Variants in FSTL5 observed in about 807,000 individuals in gnomAD.
FSTL5 encodes the protein follistatin-related protein 5.
A neutral mutation model predicts 89.1 loss-of-function variants in FSTL5; 62 were observed. That is an observed-to-expected ratio of 0.70 (90% CI 0.57 to 0.86). The LOEUF is 0.86. FSTL5 is among the 40% of genes least tolerant of loss of function. FSTL5 has a pLI of 0.00. For synonymous variants in FSTL5, 383 were observed against 346.2 expected (o/e 1.11, Z -1.18); for missense variants, 1,057 against 1,001.6 (o/e 1.06, Z -0.75).
chr4:161,746,190 G>GCACCCT (rs1740197881), intron 6 of FSTL5, among the ~76,000 whole-genome samples: 1 of 151,534 alleles, frequency 6.6e-6, no homozygotes, highest in South Asian at 2.1e-4. Context: ...TTATTTAGGT[G>GCACCCT]CACCCTCAAA....
At chr4:161,825,604 G>T (rs1245650655) in intron 4 of FSTL5, among the ~76,000 whole-genome samples, 1 of 151,742 alleles carries the variant, frequency 6.6e-6, no homozygotes, top group Admixed American at 6.6e-5. Context: ...ATATATTCCT[G>T]GTTTAATCTA....
intron 15 of FSTL5, chr4:161,388,397 G>A (rs1405740348): frequency 6.6e-6 from 1 of 151,952 alleles, no homozygotes; most frequent in African/African-American, 2.4e-5. Context: ...ACATAGTGTA[G>A]TTTTAAAATC....
At chr4:161,866,215 CT>C (rs1732082666) in intron 4 of FSTL5, among the ~76,000 whole-genome samples, 1 of 152,168 alleles carries the variant, frequency 6.6e-6, no homozygotes, top group Non-Finnish European at 1.5e-5. Flanking sequence ...TATGAAATTA[CT>C]TTCTGGAACT....
intron 10 of FSTL5, among the ~76,000 whole-genome samples, chr4:161,520,622 G>A (rs1730991937): frequency 6.6e-6 from 1 of 152,070 alleles, no homozygotes; most frequent in South Asian, 2.1e-4. Flanking sequence ...CTAATTATAT[G>A]TGGTTGGAAC....
chr4:162,117,611 A>G (rs1731692187), intron 1 of FSTL5, among the ~76,000 whole-genome samples: 1 of 152,214 alleles, frequency 6.6e-6, no homozygotes, highest in South Asian at 2.1e-4. Flanking sequence ...TCTAGAAAAT[A>G]AGAATACTGA....
intron 5 of FSTL5, among the ~76,000 whole-genome samples, chr4:161,762,292 G>A (rs1740836191): frequency 6.6e-6 from 1 of 152,230 alleles, no homozygotes; most frequent in South Asian, 2.1e-4. Flanking sequence ...TTACAGTCAT[G>A]AGTATTTGAT....
At chr4:161,948,591 G>T (rs1443032889) in intron 3 of FSTL5, among the ~76,000 whole-genome samples, 1 of 147,666 alleles carries the variant, frequency 6.8e-6, no homozygotes, top group African/African-American at 2.5e-5. Flanking sequence ...GGGATTATAG[G>T]CACCCGCCAC....
intron 2 of FSTL5, among the ~76,000 whole-genome samples, chr4:162,104,755 C>A (rs1218037318): frequency 6.6e-6 from 1 of 152,182 alleles, no homozygotes; most frequent in Non-Finnish European, 1.5e-5. Context: ...CTATGTGTGA[C>A]AGGCTATCTT....
rs192044493 is a variant in FSTL5 at position 161,625,258 on chromosome 4, G to A, written c.894+31070C>T. Among the ~76,000 whole-genome samples, 381 of 152,084 alleles carry A rather than the reference G, an allele frequency of 2.5e-3. 3 individuals are homozygous for A. The highest frequency in any genetic ancestry group is 9.0e-3 in the African/African-American group (372 of 41,518). ...TACAGATATTGCAATTTTTACAAAC[G>A]AAAAGGTTCTGGTAACTCAGCCTTG... On this transcript the variant is annotated intron_variant, in intron 7 of 15. Transcript: ENST00000306100.
chr4:162,127,618 AAAGTG>A (rs1327549569), intron 1 of FSTL5, among the ~76,000 whole-genome samples: 2 of 152,172 alleles, frequency 1.3e-5, no homozygotes, highest in Non-Finnish European at 2.9e-5. Flanking sequence ...TCTTGTGATA[AAAGTG>A]AAGTAGGTAA....
chr4:161,872,256 C>A (rs994176913), intron 4 of FSTL5, among the ~76,000 whole-genome samples: 1 of 149,492 alleles, frequency 6.7e-6, no homozygotes, highest in Non-Finnish European at 1.5e-5. Context: ...TAGGCATGAG[C>A]CATTGTGCCC....
chr4:161,901,140 A>G (rs2110793466), intron 4 of FSTL5, among the ~76,000 whole-genome samples: 1 of 152,242 alleles, frequency 6.6e-6, no homozygotes, highest in Admixed American at 6.5e-5. Flanking sequence ...CTATAACAAC[A>G]ATGTCCTTGC....
At chr4:161,447,631 T>C (rs988987602) in intron 15 of FSTL5, among the ~76,000 whole-genome samples, 2 of 152,110 alleles carry the variant, frequency 1.3e-5, no homozygotes, top group African/African-American at 4.8e-5. Flanking sequence ...TGTATTAATA[T>C]GCTAAAGAAG....
chr4:161,475,157 C>T (rs1248066038), intron 13 of FSTL5, among the ~76,000 whole-genome samples: 2 of 151,824 alleles, frequency 1.3e-5, no homozygotes, highest in Admixed American at 1.3e-4. Flanking sequence ...AGTTGTTTCC[C>T]TCTTGCTGCT....
intron 4 of FSTL5, among the ~76,000 whole-genome samples, chr4:161,898,940 T>A (rs1733262609): frequency 6.6e-6 from 1 of 152,098 alleles, no homozygotes; most frequent in Non-Finnish European, 1.5e-5. Context: ...GGCATCTGGA[T>A]GTATTCTTTA....
At chr4:161,686,939 C>A (rs1297334263) in intron 6 of FSTL5, among the ~76,000 whole-genome samples, 1 of 152,048 alleles carries the variant, frequency 6.6e-6, no homozygotes, top group Admixed American at 6.5e-5. Context: ...TTTAATTTAA[C>A]AAACTGGACA....
chr4:161,967,690 A>C (rs1735367634), intron 3 of FSTL5, among the ~76,000 whole-genome samples: 1 of 152,100 alleles, frequency 6.6e-6, no homozygotes, highest in African/African-American at 2.4e-5. Context: ...TTGGAGTGAT[A>C]GTTTCTGTAG....
chr4:162,153,153 T>C (rs1157055062), intron 1 of FSTL5, among the ~76,000 whole-genome samples: 1 of 152,166 alleles, frequency 6.6e-6, no homozygotes, highest in African/African-American at 2.4e-5. Context: ...CCTAAATGTA[T>C]TGACTTCTTA....
intron 1 of FSTL5, among the ~76,000 whole-genome samples, chr4:162,112,308 CT>C: frequency 6.6e-6 from 1 of 152,310 alleles, no homozygotes; most frequent in South Asian, 2.1e-4. Context: ...CAGGGTCTCA[CT>C]TTGTTATGTA....
Sources: allele counts gnomAD v4.1 joint callset (sites outside exome capture counted in the v4.1 genomes callset), GRCh38; gene constraint gnomAD v4.1.1; transcripts MANE v1.5; gene names NCBI Gene and HGNC (gene_info 2026-07-23, HGNC 2026-07-21).